TENT4A: variants seen among roughly 807,000 people sequenced by gnomAD.
TENT4A encodes terminal nucleotidyltransferase 4A.
A neutral mutation model predicts 72.8 loss-of-function variants in TENT4A; 7 were observed. The ratio of observed to expected loss-of-function variants is 0.10; its 90% CI spans 0.05 to 0.18. The LOEUF (loss-of-function observed/expected upper bound fraction) is 0.18. Among genes scored for constraint, TENT4A ranks in the 10% least tolerant of loss-of-function variants. The probability of loss-of-function intolerance (pLI) is 1.00; values close to 1 mark genes in which losing one functional copy is unlikely to be tolerated. For synonymous variants in TENT4A, 456 were observed against 434.3 expected, an observed-to-expected ratio of 1.05 and a Z score of -0.62; for missense variants, 831 against 1,017.7, an observed-to-expected ratio of 0.82 and a Z score of 2.50.
At chr5:6,752,092 C>T (rs540969078) in intron 11 of TENT4A, among the ~76,000 whole-genome samples, 1 of 152,302 alleles carries the variant, frequency 6.6e-6, no homozygotes, top group African/African-American at 2.4e-5. Context: ...CACAGATAAA[C>T]TTGGTCGCCT....
intron 1 of TENT4A, among the ~76,000 whole-genome samples, chr5:6,721,910 C>T (rs1740671030): frequency 6.6e-6 from 1 of 152,152 alleles, no homozygotes; most frequent in Non-Finnish European, 1.5e-5. Flanking sequence ...TGATTTCTGT[C>T]TTTCCGTTTG....
intron 11 of TENT4A, among the ~76,000 whole-genome samples, chr5:6,751,654 T>TA (rs1742414867): frequency 6.6e-6 from 1 of 152,258 alleles, no homozygotes; most frequent in Non-Finnish European, 1.5e-5. Context: ...TTCTAAGGCT[T>TA]TTTCTGTTGG....
intron 1 of TENT4A, among the ~76,000 whole-genome samples, chr5:6,720,490 C>G (rs1449432017): frequency 6.6e-6 from 1 of 152,048 alleles, no homozygotes; most frequent in Non-Finnish European, 1.5e-5. Flanking sequence ...GCCACTATAA[C>G]CAGGAGAACC....
intron 1 of TENT4A, among the ~76,000 whole-genome samples, chr5:6,724,338 A>C (rs189525301): frequency 4.5e-4 from 68 of 152,350 alleles, no homozygotes; most frequent in Non-Finnish European, 6.8e-4. Context: ...CTCTAAACTT[A>C]TGTAAAACAT....
intron 12 of TENT4A, 151 bp downstream of exon 12, chr5:6,753,188 C>A: frequency 2.7e-6 from 2 of 733,658 alleles, no homozygotes; most frequent in Non-Finnish European, 4.2e-6. Flanking sequence ...CTTGTCTTTC[C>A]AAACAAAACT....
intron 1 of TENT4A, among the ~76,000 whole-genome samples, chr5:6,722,381 C>T (rs529735868): frequency 1.3e-5 from 2 of 152,284 alleles, no homozygotes; most frequent in East Asian, 3.9e-4. Flanking sequence ...GAAAATACAA[C>T]TTCCACTTTC....
rs1742096144 is a variant in TENT4A, at chr5:6,746,380, G to A, written c.1412G>A (p.Ser471Asn). Residue 471 changes from serine (S) to asparagine (N), a missense_variant, in exon 7 of 13, where the codon AGC (serine) becomes AAC (asparagine). Physicochemically the swap from Ser to Asn is conservative, Grantham distance 46. Around this residue, in one of 3 missense-constraint regions of TENT4A, gnomAD observed 197 missense variants for 399.6 expected, o/e 0.49. Transcript: ENST00000230859. ...AKEEIMKAMTSGYRPSMLCIE... is the reference protein window; with the variant it reads ...AKEEIMKAMTNGYRPSMLCIE... ...GAGGAGATCATGAAAGCCATGACCA[G>A]CGGGTACAGACCGTCGATGCTGTGC... is the stretch of plus-strand genomic sequence containing the variant. 2.5e-6 allele frequency: 4 copies of A among 1,614,194 alleles called. No homozygotes were observed. The highest frequency in any genetic ancestry group is 3.4e-6 in the Non-Finnish European group (4 of 1,180,040).
intron 8 of TENT4A, 23 bp downstream of exon 8, chr5:6,748,613 C>G (rs1333860951): frequency 6.3e-7 from 1 of 1,599,096 alleles, no homozygotes; most frequent in Non-Finnish European, 8.6e-7. Context: ...GTGTCTGCGT[C>G]TGGGCTCAGC....
In TENT4A at chr5:6,755,068, G is replaced by A; in HGVS notation, c.*123G>A. On this transcript the variant is annotated 3_prime_UTR_variant, in exon 13 of 13. Coordinates refer to ENST00000230859, the MANE Select transcript of TENT4A (RefSeq NM_006999.6). ...CCGGGCTCGCGGCACGCCCGCCGCT[G>A]ATCACTCTGCATGTTTCTTCGTGTG... 1 of 758,664 alleles carries A rather than the reference G, an allele frequency of 1.3e-6. No individual in the cohort carries two copies. Among genetic ancestry groups the A allele is most frequent in the Non-Finnish European group, 2.0e-6 (1 of 494,518 alleles). 47.0% of individuals were successfully genotyped at this position (758,664 alleles called of 1,614,324 possible).
Position 6,713,922 on chromosome 5 carries a change from C to T in TENT4A, c.-62C>T, listed in dbSNP as rs1740223227. ...GCGCGCGCGGCCGGGCCTCGGGGCG[C>T]GGCGGGGGCGGGGCCGCGTCGGGGC... On this transcript the variant is annotated 5_prime_UTR_variant, in exon 1 of 13. Coordinates refer to ENST00000230859, the MANE Select transcript of TENT4A (RefSeq NM_006999.6). 4.2e-6 allele frequency: 3 copies of T among 710,124 alleles called. No homozygotes were observed. Among genetic ancestry groups the T allele is most frequent in the Non-Finnish European group, 5.2e-6 (3 of 582,106 alleles). 44.0% of individuals were successfully genotyped at this position (710,124 alleles called of 1,614,324 possible).
chr5:6,752,912 C>G lies in TENT4A; in HGVS notation c.2059C>G (p.Pro687Ala). 1.2e-6 allele frequency: 2 copies of G among 1,614,162 alleles called. No individual in the cohort carries two copies. Among genetic ancestry groups the G allele is most frequent in the Non-Finnish European group, 1.7e-6 (2 of 1,180,032 alleles). ...TIPPPTLGVA[P>A]VPCRQAGVEG... is the part of the protein sequence containing the mutation. The stretch of plus-strand genomic sequence containing the variant: ...ACCTCCACCGACCCTAGGGGTTGCT[C>G]CTGTTCCTTGCAGACAAGCTGGTGT... The change falls in exon 12 of 13, where the codon CCT becomes GCT. Residue 687 changes from proline (P) to alanine (A), a missense_variant. Around this residue, in one of 3 missense-constraint regions of TENT4A, gnomAD observed 332 missense variants for 324.3 expected, o/e 1.02. Transcript: ENST00000230859.
chr5:6,743,970 G>A, intron 6 of TENT4A, 130 bp downstream of exon 6: 1 of 786,830 alleles, frequency 1.3e-6, no homozygotes, highest in Middle Eastern at 2.4e-4. Context: ...GGTAGAGGCT[G>A]ATTTCTGATT....
intron 1 of TENT4A, among the ~76,000 whole-genome samples, chr5:6,715,512 G>A (rs962019079): frequency 2.0e-5 from 3 of 152,154 alleles, no homozygotes; most frequent in Non-Finnish European, 4.4e-5. Context: ...CTGAGCGTCT[G>A]GAAGCAATTT....
intron 1 of TENT4A, among the ~76,000 whole-genome samples, chr5:6,736,554 C>G (rs1472037197): frequency 6.6e-6 from 1 of 152,206 alleles, no homozygotes; most frequent in African/African-American, 2.4e-5. Context: ...ATTTGCCTTC[C>G]CCTCTCTCCA....
At chr5:6,737,723 C>T in intron 2 of TENT4A, 90 bp downstream of exon 2, 1 of 1,403,304 alleles carries the variant, frequency 7.1e-7, no homozygotes, top group Non-Finnish European at 9.6e-7. Context: ...TAGATCCACA[C>T]AGACCTTTTC....
At chr5:6,729,869 G>T (rs1285385847) in intron 1 of TENT4A, among the ~76,000 whole-genome samples, 1 of 152,132 alleles carries the variant, frequency 6.6e-6, no homozygotes, top group African/African-American at 2.4e-5. Flanking sequence ...GGGTGGTTCT[G>T]AGTAGTTCTG....
At chr5:6,725,320 C>CA (rs959406095) in intron 1 of TENT4A, among the ~76,000 whole-genome samples, 33 of 150,078 alleles carry the variant, frequency 2.2e-4, no homozygotes, top group African/African-American at 7.9e-4. Context: ...GACTCCGTCT[C>CA]AAAAAAAGAA....
chr5:6,753,726 C>T (rs896164710), intron 12 of TENT4A, among the ~76,000 whole-genome samples: 2 of 152,252 alleles, frequency 1.3e-5, no homozygotes, highest in East Asian at 1.9e-4. Context: ...TTCCGCTCCT[C>T]CTTTGCTTGT....
At chr5:6,734,892 T>C (rs1401501919) in intron 1 of TENT4A, among the ~76,000 whole-genome samples, 3 of 152,228 alleles carry the variant, frequency 2.0e-5, no homozygotes, top group Non-Finnish European at 4.4e-5. Flanking sequence ...CATGTTACGC[T>C]GATTTTGTGT....
Sources: gnomAD v4.1 joint callset for allele counts (sites outside exome capture counted in the v4.1 genomes callset) on GRCh38, gnomAD v4.1.1 for gene constraint, gnomAD v4.1.1 regional missense constraint, MANE v1.5 for transcripts, NCBI Gene and HGNC (gene_info 2026-07-23, HGNC 2026-07-21) for gene names.